The following S1PR3 variants were observed in gnomAD, a reference collection of about 807,000 sequenced individuals.
The protein encoded by S1PR3 is sphingosine-1-phosphate receptor 3.
S1PR3 carries 12 observed loss-of-function variants against 13.3 expected under a neutral mutation model. The ratio of observed to expected loss-of-function variants is 0.90; its 90% CI spans 0.58 to 1.46. The LOEUF (loss-of-function observed/expected upper bound fraction) is 1.46, where lower values mean the gene tolerates loss of function less well. Ranked by LOEUF, S1PR3 falls within the 40% of genes most tolerant of loss-of-function variation. The pLI is 0.00. For missense variants in S1PR3, 450 were observed against 501.9 expected (o/e 0.90, Z 0.99); for synonymous variants, 232 against 214.0 (o/e 1.08, Z -0.73).
intron 1 of S1PR3, chr9:88,992,050 G>C (rs909440988): frequency 1.9e-6 from 3 of 1,593,288 alleles, no homozygotes; most frequent in South Asian, 2.2e-5. Context: ...GGTTGTGGTC[G>C]TTAGCCTGGG....
chr9:89,002,390 G>A lies in S1PR3; in HGVS notation c.*53G>A, dbSNP rs1403933668. 9.0e-6 allele frequency: 14 copies of A among 1,563,960 alleles called. No homozygotes were observed. The highest frequency in any genetic ancestry group is 2.4e-5 in the South Asian group (2 of 82,616). On this transcript the variant is annotated 3_prime_UTR_variant, in exon 2 of 2. Coordinates refer to ENST00000358157, the MANE Select transcript of S1PR3 (RefSeq NM_005226.4). ...TGTGTTCTTATTTATTGCATGCGTC[G>A]CTTCCACAGGGGCCCCTCAAGAGCT...
In S1PR3 at chr9:89,003,478, T is replaced by A. The variant is rs1406950514; in HGVS notation, c.*1141T>A. On this transcript the variant is annotated 3_prime_UTR_variant, in exon 2 of 2. Coordinates refer to ENST00000358157, the MANE Select transcript of S1PR3 (RefSeq NM_005226.4). ...ATGTGATCTGGCAGTTTATGCATTC[T>A]TCAGAGTAATGTAATAATACCTATG... 1 of 167,138 alleles carries A rather than the reference T, an allele frequency of 6.0e-6. No homozygotes were observed. The highest frequency in any genetic ancestry group is 1.5e-5 in the Non-Finnish European group (1 of 68,138). The allele number at this position is 167,138 out of a possible 1,614,324, so 10.4% of individuals were successfully genotyped here. A position where few individuals can be genotyped will look rare whatever the true frequency, so the allele number is the denominator to read the frequency against.
rs150963426 is a variant in S1PR3, at chr9:89,000,952, G to A, written c.-147-102G>A. ...CAGCCTGACGTGGCTAGCCATCCCA[G>A]TACTTCCACGTTTTTCATGCCTTTC... On this transcript the variant is annotated intron_variant, in intron 1 of 1. Coordinates refer to ENST00000358157, the MANE Select transcript of S1PR3 (RefSeq NM_005226.4). 422 of 540,086 alleles carry A rather than the reference G, an allele frequency of 7.8e-4. 3 individuals carry two copies. Among genetic ancestry groups the A allele is most frequent in the African/African-American group, 7.3e-3 (389 of 52,928 alleles). 33.5% of individuals were successfully genotyped at this position (540,086 alleles called of 1,614,324 possible).
Position 89,002,685 on chromosome 9 carries a change from T to G in S1PR3, c.*348T>G. 1 of 324,672 alleles carries G rather than the reference T, an allele frequency of 3.1e-6. No individual in the cohort carries two copies. Among genetic ancestry groups the G allele is most frequent in the Non-Finnish European group, 6.1e-6 (1 of 165,274 alleles). 20.1% of individuals were successfully genotyped at this position (324,672 alleles called of 1,614,324 possible). A position where few individuals can be genotyped will look rare whatever the true frequency, so the allele number is the denominator to read the frequency against. On this transcript the variant is annotated 3_prime_UTR_variant, in exon 2 of 2. Coordinates refer to ENST00000358157, the MANE Select transcript of S1PR3 (RefSeq NM_005226.4). ...CCTCTCCGTGTGCCTCTGAATGGTG[T>G]TTTGATGATTTTACACTACATTTCC... is the stretch of plus-strand genomic sequence containing the variant.
upstream of S1PR3, chr9:88,991,358 A>AGAGGGGGGCGGG: frequency 3.8e-6 from 1 of 264,222 alleles, no homozygotes. This position sits in a 1 kb window ranked among gnomAD's most constrained non-coding sequence, Gnocchi z 4.0. Context: ...GGGGACGGGG[A>AGAGGGGGGCGGG]GAGGGGGGCG....
Position 89,002,458 on chromosome 9 carries a change from A to G in S1PR3, c.*121A>G, listed in dbSNP as rs539846642. 8 of 1,194,780 alleles carry G rather than the reference A, an allele frequency of 6.7e-6. 1 individual carries two copies. In the African/African-American group the frequency reaches 9.2e-5, roughly 14 times the overall value. 74.0% of individuals were successfully genotyped at this position (1,194,780 alleles called of 1,614,324 possible). ...CCTTACTTTGACCAACAGCCTGCCC[A>G]GTGTGGATGTCTCTTACAGAGGGGG... On this transcript the variant is annotated 3_prime_UTR_variant, in exon 2 of 2. Coordinates refer to ENST00000358157, the MANE Select transcript of S1PR3 (RefSeq NM_005226.4).
At chr9:88,993,799 G>A (rs965666388) in intron 1 of S1PR3, 1 of 152,190 alleles carries the variant, frequency 6.6e-6, no homozygotes, top group African/African-American at 2.4e-5. Context: ...TTGAAGCTGT[G>A]TCTGTAAGAG....
upstream of S1PR3, chr9:88,991,230 C>A (rs779987121): frequency 6.4e-7 from 1 of 1,565,186 alleles, no homozygotes; most frequent in Middle Eastern, 1.8e-4. This position sits in a 1 kb window ranked among gnomAD's most constrained non-coding sequence, Gnocchi z 4.0. Context: ...CGAGCCGGAC[C>A]CTAGGGGATT....
At chr9:88,994,184 G>C (rs568919473) in intron 1 of S1PR3, 9 of 167,104 alleles carry the variant, frequency 5.4e-5, no homozygotes, top group African/African-American at 2.2e-4. Flanking sequence ...CAGATGGCAC[G>C]GACACCGGCC....
At chr9:88,991,123 T>A, upstream of S1PR3, 3 of 1,612,514 alleles carry the variant, frequency 1.9e-6, no homozygotes, top group Non-Finnish European at 2.5e-6. The surrounding 1 kb of genome is among the most constrained non-coding windows in gnomAD (Gnocchi z 4.0). Context: ...GTTCCAAGCC[T>A]GTTCCCGCTG....
Position 89,001,886 on chromosome 9 carries a change from T to C in S1PR3, c.686T>C (p.Val229Ala), listed in dbSNP as rs756301598. 6.8e-6 allele frequency: 11 copies of C among 1,614,226 alleles called. No individual in the cohort carries two copies. Among genetic ancestry groups the C allele is most frequent in the Non-Finnish European group, 9.3e-6 (11 of 1,180,032 alleles). ...YFLVKSSSRK[V>A]ANHNNSERSM... ...CTGGTGAAGTCCAGCAGCCGTAAGG[T>C]GGCCAACCACAACAACTCGGAGCGG... Residue 229 changes from valine (V) to alanine (A), a missense_variant, in exon 2 of 2, where the codon GTG becomes GCG. Physicochemically the swap from Val to Ala is moderately conservative, Grantham distance 64 (BLOSUM62 0). Coordinates refer to ENST00000358157, the MANE Select transcript of S1PR3 (RefSeq NM_005226.4).
intron 1 of S1PR3, chr9:88,993,111 A>C (rs964127248): frequency 6.9e-6 from 1 of 144,004 alleles, no homozygotes; most frequent in African/African-American, 2.7e-5. Flanking sequence ...CAAATGCATG[A>C]GTCTCTGATT....
Position 88,991,775 on chromosome 9 carries a change from C to G in S1PR3, c.-148+80C>G. 1 of 1,577,364 alleles carries G rather than the reference C, an allele frequency of 6.3e-7. No individual in the cohort carries two copies. Among genetic ancestry groups the G allele is most frequent in the Non-Finnish European group, 8.6e-7 (1 of 1,161,472 alleles). Reference sequence around the variant, plus strand: ...AGGACCCACCTTTCCAACAAAATCCCCACCGATCCCGGGCGCGACGGGGAC... The same window carrying G: ...AGGACCCACCTTTCCAACAAAATCCGCACCGATCCCGGGCGCGACGGGGAC... On this transcript the variant is annotated intron_variant, in intron 1 of 1. Transcript: ENST00000358157. This position sits in a 1 kb window ranked among gnomAD's most constrained non-coding sequence, Gnocchi z 4.0.
chr9:89,000,942 A>C (rs41287345), intron 1 of S1PR3, 112 bp from the exon 2 acceptor site: 9,296 of 512,674 alleles, frequency 0.018, 184 homozygotes, highest in African/African-American at 0.068. Flanking sequence ...TGACGTGGCT[A>C]GCCATCCCAG....
chr9:89,002,471 C>T lies in S1PR3; in HGVS notation c.*134C>T, dbSNP rs1825883597. 3.6e-6 allele frequency: 4 copies of T among 1,098,140 alleles called. No individual in the cohort carries two copies. The highest frequency in any genetic ancestry group is 1.6e-5 in the African/African-American group (1 of 62,844). The allele number at this position is 1,098,140 out of a possible 1,614,324, so 68.0% of individuals were successfully genotyped here. The stretch of plus-strand genomic sequence containing the variant: ...AACAGCCTGCCCAGTGTGGATGTCT[C>T]TTACAGAGGGGGCCCAAGGAATCAC... On this transcript the variant is annotated 3_prime_UTR_variant, in exon 2 of 2. Transcript: ENST00000358157.
intron 1 of S1PR3, chr9:88,994,304 G>A (rs1825770470): frequency 6.0e-6 from 1 of 167,196 alleles, no homozygotes; most frequent in African/African-American, 2.4e-5. Context: ...GGCCATGTGT[G>A]CTATGTCCAT....
rs1357761731 is a variant in S1PR3 at position 89,003,068 on chromosome 9, G to A, written c.*731G>A. The A allele has an allele frequency of 6.0e-6, 1 of 167,106 alleles. No homozygotes were observed. Among genetic ancestry groups the A allele is most frequent in the Non-Finnish European group, 1.5e-5 (1 of 68,158 alleles). 10.4% of individuals were successfully genotyped at this position (167,106 alleles called of 1,614,324 possible). ...TGCGTAATTTTAATCGTATTCCAAA[G>A]CCCAATTATGTGATGGTTTTCAGGT... On this transcript the variant is annotated 3_prime_UTR_variant, in exon 2 of 2. Transcript: ENST00000358157.
intron 1 of S1PR3, chr9:88,996,737 C>T (rs1046980688): frequency 2.0e-5 from 3 of 152,298 alleles, no homozygotes; most frequent in Non-Finnish European, 2.9e-5. Context: ...AGGTCAGCCT[C>T]CCAGGCCTGC....
intron 1 of S1PR3, chr9:89,000,468 G>T (rs1235778800): frequency 6.5e-6 from 1 of 153,086 alleles, no homozygotes; most frequent in East Asian, 1.9e-4. Flanking sequence ...TGCACTGTTG[G>T]TCCCTCGATG....
Sources: gnomAD v4.1 joint callset for allele counts on GRCh38, gnomAD v4.1.1 for gene constraint, Gnocchi (gnomAD v3.1) non-coding constraint, MANE v1.5 for transcripts, NCBI Gene and HGNC (gene_info 2026-07-23, HGNC 2026-07-21) for gene names.